The following ROR2 variants were observed in gnomAD, a reference collection of about 807,000 sequenced individuals.
ROR2 encodes ROR family WNT receptor 2.
A neutral mutation model predicts 74.9 loss-of-function variants in ROR2; 33 were observed. That is an observed-to-expected ratio of 0.44 (90% confidence interval 0.33 to 0.59). The LOEUF is 0.59. Ranked by LOEUF, ROR2 falls within the 20% of genes least tolerant of loss-of-function variation. The pLI is 0.02. For missense variants in ROR2, 1,216 were observed against 1,313.8 expected, an observed-to-expected ratio of 0.93 and a Z score of 1.15; for synonymous variants, 586 against 558.7, an observed-to-expected ratio of 1.05 and a Z score of -0.69.
chr9:91,803,721 T>TG (rs1827462956), intron 1 of ROR2, among the ~76,000 whole-genome samples: 1 of 152,202 alleles, frequency 6.6e-6, no homozygotes, highest in Non-Finnish European at 1.5e-5. Flanking sequence ...TATGGGTCCT[T>TG]GGGGGGCCCA....
chr9:91,750,338 AG>A (rs1362022900), intron 4 of ROR2, among the ~76,000 whole-genome samples: 1 of 152,256 alleles, frequency 6.6e-6, no homozygotes, highest in African/African-American at 2.4e-5. Context: ...AAATACAGTT[AG>A]TTTTCTGAGA....
At chr9:91,795,081 G>A (rs1353525980) in intron 1 of ROR2, among the ~76,000 whole-genome samples, 1 of 151,148 alleles carries the variant, frequency 6.6e-6, no homozygotes, top group African/African-American at 2.4e-5. Flanking sequence ...CTGTGCCACT[G>A]CACTCCAGCC....
At chr9:91,906,356 A>C (rs1158931763) in intron 1 of ROR2, among the ~76,000 whole-genome samples, 3 of 152,196 alleles carry the variant, frequency 2.0e-5, no homozygotes, top group Non-Finnish European at 4.4e-5. Flanking sequence ...GCAGCCTCTG[A>C]GGAAAGTCTG....
chr9:91,829,748 C>A (rs1217402260), intron 1 of ROR2, among the ~76,000 whole-genome samples: 1 of 152,066 alleles, frequency 6.6e-6, no homozygotes, highest in Non-Finnish European at 1.5e-5. Flanking sequence ...TAACCAAGAT[C>A]CATACGAATC....
At chr9:91,843,288 T>C (rs1319786293) in intron 1 of ROR2, among the ~76,000 whole-genome samples, 10 of 152,202 alleles carry the variant, frequency 6.6e-5, no homozygotes, top group African/African-American at 2.4e-4. Context: ...GCAGGTGCTG[T>C]CCAGGAGCCC....
chr9:91,748,353 A>G (rs9409655), intron 4 of ROR2, among the ~76,000 whole-genome samples: 115,540 of 152,140 alleles, frequency 0.76, 43,912 homozygotes, highest in African/African-American at 0.78. Flanking sequence ...CAAGTGAGAC[A>G]TATGTCCATT....
At chr9:91,849,682 C>T (rs373686731) in intron 1 of ROR2, among the ~76,000 whole-genome samples, 7 of 152,308 alleles carry the variant, frequency 4.6e-5, no homozygotes, top group East Asian at 1.9e-4. Flanking sequence ...GCAAGTATTA[C>T]GTGAATACAC....
chr9:91,807,393 G>A (rs1485086375), intron 1 of ROR2, among the ~76,000 whole-genome samples: 2 of 152,212 alleles, frequency 1.3e-5, no homozygotes, highest in Non-Finnish European at 2.9e-5. Flanking sequence ...TCCAGACCTC[G>A]CCCTGTGTAT....
At chr9:91,814,422 C>T (rs1055273529) in intron 1 of ROR2, among the ~76,000 whole-genome samples, 1 of 152,124 alleles carries the variant, frequency 6.6e-6, no homozygotes, top group Admixed American at 6.5e-5. Context: ...GAGCGGCCAT[C>T]CATCATTCAG....
chr9:91,857,858 C>T (rs1829346484), intron 1 of ROR2, among the ~76,000 whole-genome samples: 1 of 152,208 alleles, frequency 6.6e-6, no homozygotes, highest in African/African-American at 2.4e-5. Context: ...TCTCCCACCA[C>T]ATTTTTCTTT....
chr9:91,790,761 G>C (rs985893188), intron 1 of ROR2, among the ~76,000 whole-genome samples: 3 of 152,202 alleles, frequency 2.0e-5, no homozygotes, highest in African/African-American at 7.2e-5. Flanking sequence ...AGACCCTGCA[G>C]TGGGACAAGA....
intron 1 of ROR2, among the ~76,000 whole-genome samples, chr9:91,779,774 T>C (rs995019297): frequency 1.3e-5 from 2 of 152,302 alleles, no homozygotes; most frequent in Non-Finnish European, 2.9e-5. Context: ...ACAGATTCAC[T>C]GGATTTAATA....
intron 1 of ROR2, among the ~76,000 whole-genome samples, chr9:91,836,944 A>G (rs1322826865): frequency 2.6e-5 from 4 of 152,240 alleles, no homozygotes; most frequent in Admixed American, 2.0e-4. Flanking sequence ...GCTTTGGTCA[A>G]TGGTATATAC....
chr9:91,844,556 A>C (rs1039498040), intron 1 of ROR2, among the ~76,000 whole-genome samples: 1 of 152,216 alleles, frequency 6.6e-6, no homozygotes, highest in African/African-American at 2.4e-5. Flanking sequence ...TCCACAGCAA[A>C]TCTGAAATCC....
At position 91,724,600 on chromosome 9, in the gene ROR2, A is replaced by T. The variant is rs1358210628; in HGVS notation, c.1894T>A (p.Ser632Thr). 1 of 1,614,090 alleles carries T rather than the reference A, an allele frequency of 6.2e-7. No homozygotes were observed. Among genetic ancestry groups the T allele is most frequent in the Non-Finnish European group, 8.5e-7 (1 of 1,180,048 alleles). Reference sequence around the variant, plus strand: ...ACCTCTCGGAAGAGGCCCAAGTCTGAGATCTTCACGTTCAGCTTGTCGTAC... The same window carrying T: ...ACCTCTCGGAAGAGGCCCAAGTCTGTGATCTTCACGTTCAGCTTGTCGTAC... ...LVYDKLNVKI[S>T]DLGLFREVYA... The change falls in exon 9 of 9, where the codon TCA (serine) becomes ACA (threonine). Residue 632 changes from serine to threonine, a missense_variant. Transcript: ENST00000375708.
rs144807648 is a variant in ROR2 at position 91,900,287 on chromosome 9, C to T, written c.97+49580G>A. 9.4e-3 allele frequency among the ~76,000 whole-genome samples: 1,426 copies of T among 152,314 alleles called. 17 individuals are homozygous for T. The highest frequency in any genetic ancestry group is 0.016 in the Non-Finnish European group (1,057 of 68,024). ...GCAGAAGCAGAAGCAAACTGGACGC[C>T]GCAAGGGGCTGCAGGAAGGGCAGAC... On this transcript the variant is annotated intron_variant, in intron 1 of 8. Coordinates refer to ENST00000375708, the MANE Select transcript of ROR2 (RefSeq NM_004560.4).
At chr9:91,865,116 T>C (rs1169809967) in intron 1 of ROR2, among the ~76,000 whole-genome samples, 2 of 152,158 alleles carry the variant, frequency 1.3e-5, no homozygotes, top group East Asian at 1.9e-4. Flanking sequence ...TTTTGCAGTA[T>C]ACTTTTCAAA....
chr9:91,892,580 C>A lies in ROR2; in HGVS notation c.97+57287G>T, dbSNP rs1394578680. Among the ~76,000 whole-genome samples the A allele has an allele frequency of 4.6e-5, 6 of 130,652 alleles. No homozygotes were observed. In the South Asian group the frequency reaches 1.5e-3, roughly 32 times the overall value. 85.7% of individuals were successfully genotyped at this position (130,652 alleles called of 152,430 possible). A position where few individuals can be genotyped will look rare whatever the true frequency, so the allele number is the denominator to read the frequency against. On this transcript the variant is annotated intron_variant, in intron 1 of 8. Coordinates refer to ENST00000375708, the MANE Select transcript of ROR2 (RefSeq NM_004560.4). ...AGAATGGCAGATTCTTTTTCTTTTT[C>A]TTTTCTTTTCTTTTTTTTTTTTTTT...
chr9:91,732,673 T>C (rs893448261), intron 6 of ROR2, among the ~76,000 whole-genome samples: 2 of 152,214 alleles, frequency 1.3e-5, no homozygotes, highest in African/African-American at 4.8e-5. Flanking sequence ...TCCTCCAGGT[T>C]TCAGGAGGTT....
Sources: gnomAD v4.1 joint callset for allele counts (sites outside exome capture counted in the v4.1 genomes callset) on GRCh38, gnomAD v4.1.1 for gene constraint, MANE v1.5 for transcripts, NCBI Gene and HGNC (gene_info 2026-07-23, HGNC 2026-07-21) for gene names.